The following SLC12A4 variants were observed in gnomAD, a reference collection of about 807,000 sequenced individuals.
SLC12A4 encodes the protein electroneutral potassium-chloride cotransporter 1.
SLC12A4 carries 84 observed loss-of-function variants against 119.2 expected under a neutral mutation model. That is an observed-to-expected ratio of 0.70 (90% CI 0.59 to 0.85). The LOEUF (loss-of-function observed/expected upper bound fraction) is 0.85. Ranked by LOEUF, SLC12A4 falls within the 40% of genes least tolerant of loss-of-function variation. SLC12A4 has a pLI of 0.00. For missense variants in SLC12A4, 1,298 were observed against 1,476.3 expected, an observed-to-expected ratio of 0.88 and a Z score of 1.98; for synonymous variants, 599 against 604.6, an observed-to-expected ratio of 0.99 and a Z score of 0.14.
Position 67,945,363 on chromosome 16 carries a change from A to G in SLC12A4, c.3032+6T>C. 6.2e-7 allele frequency: 1 copy of G among 1,611,086 alleles called. No individual in the cohort carries two copies. Among genetic ancestry groups the G allele is most frequent in the Non-Finnish European group, 8.5e-7 (1 of 1,178,236 alleles). ...GTGCCGCTGGGGCTGTTTTTGCTGC[A>G]CTCACGGCTTAATGTGCACCAGCTC... On this transcript the variant is annotated splice_donor_region_variant and intron_variant, in intron 22 of 23. Transcript: ENST00000316341.
chr16:67,945,451 A>G lies in SLC12A4; in HGVS notation c.2950T>C (p.Trp984Arg). 2.5e-6 allele frequency: 4 copies of G among 1,614,114 alleles called. No homozygotes were observed. Among genetic ancestry groups the G allele is most frequent in the Non-Finnish European group, 3.4e-6 (4 of 1,180,010 alleles). The change falls in exon 22 of 24, where the codon TGG becomes CGG. Residue 984 changes from tryptophan (W) to arginine (R), a missense_variant. Physicochemically the swap from Trp to Arg is moderately radical, Grantham distance 101 (BLOSUM62 -3). Transcript: ENST00000316341. ...AVGADKIQMT[W>R]TRDKYMTETW... is the part of the protein sequence containing the mutation. ...TCAGTCATGTACTTGTCCCTGGTCC[A>G]CGTCATCTGGATCTTGTCAGCCCCC...
chr16:67,945,368 C>T lies in SLC12A4; in HGVS notation c.3032+1G>A, dbSNP rs781771397. 4 of 1,612,080 alleles carry T rather than the reference C, an allele frequency of 2.5e-6. No homozygotes were observed. Among genetic ancestry groups the T allele is most frequent in the East Asian group, 2.2e-5 (1 of 44,852 alleles). On this transcript the variant is annotated splice_donor_variant, in intron 22 of 23. Transcript: ENST00000316341. LOFTEE classifies it high-confidence loss of function. ...GCTGGGGCTGTTTTTGCTGCACTCA[C>T]GGCTTAATGTGCACCAGCTCCCGGA... is the stretch of plus-strand genomic sequence containing the variant.
intron 1 of SLC12A4, among the ~76,000 whole-genome samples, chr16:67,967,292 G>A (rs767865172): frequency 3.9e-5 from 6 of 152,318 alleles, no homozygotes; most frequent in Admixed American, 3.3e-4. Flanking sequence ...TCCAGACAAC[G>A]TCACCTGACA....
intron 15 of SLC12A4, 117 bp from the exon 16 acceptor site, chr16:67,947,552 T>C: frequency 6.7e-7 from 1 of 1,492,422 alleles, no homozygotes; most frequent in South Asian, 1.3e-5. Context: ...TGAGTTACAG[T>C]CCCCAGTCCT....
rs563719406 is a variant in SLC12A4, at chr16:67,968,618, C to T, written c.-65G>A. ...CCCGCCGCTGTCCCCGCCGCTGTCC[C>T]CGCCGCCCCGGGCCGACACGCCCCG... On this transcript the variant is annotated 5_prime_UTR_variant, in exon 1 of 24. Coordinates refer to ENST00000316341, the MANE Select transcript of SLC12A4 (RefSeq NM_005072.5). 806 of 1,333,792 alleles carry T rather than the reference C, an allele frequency of 6.0e-4. 1 individual carries two copies. Among genetic ancestry groups the T allele is most frequent in the Non-Finnish European group, 7.2e-4 (751 of 1,047,028 alleles). 82.6% of individuals were successfully genotyped at this position (1,333,792 alleles called of 1,614,324 possible).
rs779571078 is a variant in SLC12A4, at chr16:67,947,390, G to A, written c.2013C>T (p.Ser671=). ...WGDGIRGLSL[S]AARYALLRLE... Reference sequence around the variant, plus strand: ...GCCGCAACAGCGCGTAGCGGGCAGCGCTCAGGGACAGGCCTCGGATCCCGT... The same window carrying A: ...GCCGCAACAGCGCGTAGCGGGCAGCACTCAGGGACAGGCCTCGGATCCCGT... Residue 671 remains serine, a synonymous_variant, in exon 16 of 24, where the codon AGC becomes AGT. Transcript: ENST00000316341. 28 of 1,612,722 alleles carry A rather than the reference G, an allele frequency of 1.7e-5. No homozygotes were observed. Among genetic ancestry groups the A allele is most frequent in the East Asian group, 4.5e-5 (2 of 44,872 alleles).
At position 67,951,994 on chromosome 16, in the gene SLC12A4, C is replaced by G; in HGVS notation, c.961G>C (p.Asp321His). ...GNRTLSRDQF[D>H]ICAKTAVVDN... ...ACTACAGCTGTCTTGGCACAGATGT[C>G]AAACTGGTCCCGGGACAGGGTCCTG... Residue 321 changes from aspartate to histidine, a missense_variant, in exon 8 of 24, where the codon GAC becomes CAC. Asp to His is a moderately conservative substitution (Grantham distance 81). Coordinates refer to ENST00000316341, the MANE Select transcript of SLC12A4 (RefSeq NM_005072.5). The surrounding 1 kb of genome is among the most constrained non-coding windows in gnomAD (Gnocchi z 5.2). 6.2e-7 allele frequency: 1 copy of G among 1,614,096 alleles called. No homozygotes were observed. Among genetic ancestry groups the G allele is most frequent in the Non-Finnish European group, 8.5e-7 (1 of 1,180,042 alleles).
At chr16:67,968,293 T>G (rs1039565573) in intron 1 of SLC12A4, 146 bp downstream of exon 1, 2 of 673,920 alleles carry the variant, frequency 3.0e-6, no homozygotes, top group South Asian at 2.7e-5. Flanking sequence ...GGGGAGCCAG[T>G]GGCAGCGGCG....
intron 6 of SLC12A4, among the ~76,000 whole-genome samples, chr16:67,953,536 C>T (rs567655045): frequency 3.9e-5 from 6 of 152,142 alleles, no homozygotes; most frequent in Non-Finnish European, 7.4e-5. Context: ...CCAGGGCTGG[C>T]GGGGAATGGA....
Position 67,943,764 on chromosome 16 carries a change from G to C in SLC12A4, c.*1076C>G. On this transcript the variant is annotated 3_prime_UTR_variant, in exon 24 of 24. Transcript: ENST00000316341. The surrounding 1 kb of genome is among the most constrained non-coding windows in gnomAD (Gnocchi z 4.6). Reference sequence around the variant, plus strand: ...GGGTTAGACAACTGAGAGTCACAGTGTGGTGGGAGAAGGGACGTCATTCCT... The same window carrying C: ...GGGTTAGACAACTGAGAGTCACAGTCTGGTGGGAGAAGGGACGTCATTCCT... The C allele has an allele frequency of 1.6e-6, 1 of 619,980 alleles. No individual in the cohort carries two copies. The allele number at this position is 619,980 out of a possible 1,614,324, so 38.4% of individuals were successfully genotyped here. A position where few individuals can be genotyped will look rare whatever the true frequency, so the allele number is the denominator to read the frequency against.
chr16:67,947,478 G>C lies in SLC12A4; in HGVS notation c.1968-43C>G, dbSNP rs778148657. The C allele has an allele frequency of 2.5e-6, 4 of 1,590,054 alleles. No homozygotes were observed. In the South Asian group the frequency reaches 4.5e-5, roughly 18 times the overall value. On this transcript the variant is annotated intron_variant, in intron 15 of 23. Transcript: ENST00000316341. ...GCTGGTGAGCCCCTGGTGCCGCCCA[G>C]GGGGTTCTGTCTATGTGGATGCGAG... is the stretch of plus-strand genomic sequence containing the variant.
intron 1 of SLC12A4, chr16:67,966,810 AGAG>A (rs772881834): frequency 6.4e-7 from 1 of 1,550,902 alleles, no homozygotes; most frequent in South Asian, 1.2e-5. Context: ...GAAAGGAGTA[AGAG>A]GAGGAGAAAG....
Position 67,949,721 on chromosome 16 carries a change from C to G in SLC12A4, c.1748+79G>C. On this transcript the variant is annotated intron_variant, in intron 13 of 23. Transcript: ENST00000316341. This position sits in a 1 kb window ranked among gnomAD's most constrained non-coding sequence, Gnocchi z 4.6. ...CCACATCTCCCAGCTGGACCTCCAA[C>G]ACCAGACGCAGCCACGGGGAGGTGC... The G allele has an allele frequency of 1.0e-6, 1 of 981,258 alleles. No homozygotes were observed. The highest frequency in any genetic ancestry group is 1.5e-6 in the Non-Finnish European group (1 of 649,092). 60.8% of individuals were successfully genotyped at this position (981,258 alleles called of 1,614,324 possible).
In SLC12A4 at chr16:67,951,800, AGAC is replaced by A; in HGVS notation, c.1132+20_1132+22del. On this transcript the variant is annotated intron_variant, in intron 8 of 23. Transcript: ENST00000316341. This position sits in a 1 kb window ranked among gnomAD's most constrained non-coding sequence, Gnocchi z 5.2. ...TGCTCAGCCTGTGGGCTCAAGAGCA[AGAC>A]GACGGGAGGGAGGACCCACCCTGGA... is the stretch of plus-strand genomic sequence containing the variant. 2 of 1,590,594 alleles carry A rather than the reference AGAC, an allele frequency of 1.3e-6. No individual in the cohort carries two copies. Among genetic ancestry groups the A allele is most frequent in the Non-Finnish European group, 8.6e-7 (1 of 1,166,822 alleles).
chr16:67,966,732 C>T (rs1165591025), intron 1 of SLC12A4: 3 of 1,551,338 alleles, frequency 1.9e-6, no homozygotes, highest in African/African-American at 1.4e-5. Flanking sequence ...GCAGTCCCCA[C>T]CAAGGATCAA....
At position 67,950,279 on chromosome 16, in the gene SLC12A4, T is replaced by G; in HGVS notation, c.1629+40A>C. ...CTCTCTCCCCAGCCGGGCGAGGGCC[T>G]GGGAGCAGCCAGGCCATGGGGGAGT... On this transcript the variant is annotated intron_variant, in intron 12 of 23. Coordinates refer to ENST00000316341, the MANE Select transcript of SLC12A4 (RefSeq NM_005072.5). The surrounding 1 kb of genome is among the most constrained non-coding windows in gnomAD (Gnocchi z 4.3). 6.2e-7 allele frequency: 1 copy of G among 1,600,654 alleles called. No homozygotes were observed. The highest frequency in any genetic ancestry group is 8.5e-7 in the Non-Finnish European group (1 of 1,172,286).
chr16:67,949,907 G>A lies in SLC12A4; in HGVS notation c.1641C>T (p.His547=), dbSNP rs1042689564. The A allele has an allele frequency of 2.5e-6, 4 of 1,611,626 alleles. No individual in the cohort carries two copies. In the East Asian group the frequency reaches 6.7e-5, roughly 27 times the overall value. The stretch of plus-strand genomic sequence containing the variant: ...ATGTGGGTTCACCATTCACCTTCCC[G>A]TGGCCAAACACCTGTGTGCACCAGG... ...NIIPFLRVFG[H]GKVNGEPTWA... is the part of the protein sequence containing the mutation. Residue 547 remains histidine, a synonymous_variant, in exon 13 of 24, where the codon CAC becomes CAT. Transcript: ENST00000316341. The surrounding 1 kb of genome is among the most constrained non-coding windows in gnomAD (Gnocchi z 4.6).
At position 67,953,060 on chromosome 16, in the gene SLC12A4, G is replaced by A. The variant is rs978897257; in HGVS notation, c.676-635C>T. Among the ~76,000 whole-genome samples the A allele has an allele frequency of 2.0e-4, 29 of 146,186 alleles. 1 individual carries two copies. Among genetic ancestry groups the A allele is most frequent in the East Asian group, 1.4e-3 (7 of 4,830 alleles). Reference sequence around the variant, plus strand: ...TTGCAGTGAGTAGAGACCACACCACGGCACTCCAGTCTGGGTGACAGAGTG... The same window carrying A: ...TTGCAGTGAGTAGAGACCACACCACAGCACTCCAGTCTGGGTGACAGAGTG... On this transcript the variant is annotated intron_variant, in intron 6 of 23. Coordinates refer to ENST00000316341, the MANE Select transcript of SLC12A4 (RefSeq NM_005072.5).
intron 1 of SLC12A4, among the ~76,000 whole-genome samples, chr16:67,965,833 C>A (rs2030843966): frequency 6.6e-6 from 1 of 152,106 alleles, no homozygotes; most frequent in South Asian, 2.1e-4. Context: ...GCATTTACTA[C>A]CTTTTAGGGA....
Sources: gnomAD v4.1 joint callset for allele counts (sites outside exome capture counted in the v4.1 genomes callset) on GRCh38, gnomAD v4.1.1 for gene constraint, Gnocchi (gnomAD v3.1) non-coding constraint, MANE v1.5 for transcripts, NCBI Gene and HGNC (gene_info 2026-07-23, HGNC 2026-07-21) for gene names.